Variants in GLIPR1L2 observed in about 807,000 individuals in gnomAD.
GLIPR1L2 encodes the protein GLIPR1 like 2, also known as GLIPR1-like protein 2.
GLIPR1L2 carries 21 observed loss-of-function variants against 28.4 expected under a neutral mutation model. The ratio of observed to expected loss-of-function variants is 0.74; its 90% CI spans 0.52 to 1.06. The LOEUF is 1.06. Ranked by LOEUF, GLIPR1L2 falls within the 50% of genes least tolerant of loss-of-function variation. The pLI is 0.00. For missense variants in GLIPR1L2, 476 were observed against 416.9 expected, an observed-to-expected ratio of 1.14 and a Z score of -1.23; for synonymous variants, 145 against 139.3, an observed-to-expected ratio of 1.04 and a Z score of -0.29.
chr12:75,425,084 G>C (rs2046020674), intron 4 of GLIPR1L2, among the ~76,000 whole-genome samples: 1 of 152,116 alleles, frequency 6.6e-6, no homozygotes, highest in Non-Finnish European at 1.5e-5. Context: ...AGACCTCATG[G>C]AATGAAGTAA....
At chr12:75,416,626 A>G (rs1258863086) in intron 3 of GLIPR1L2, among the ~76,000 whole-genome samples, 1 of 152,124 alleles carries the variant, frequency 6.6e-6, no homozygotes, top group Non-Finnish European at 1.5e-5. Context: ...TTGAGGAAGG[A>G]GAACTGACAG....
At chr12:75,400,108 C>T (rs778293550) in intron 1 of GLIPR1L2, among the ~76,000 whole-genome samples, 25 of 151,858 alleles carry the variant, frequency 1.6e-4, no homozygotes, top group African/African-American at 5.3e-4. Context: ...AGAATGAGAA[C>T]GTTTTTTATT....
In GLIPR1L2 at chr12:75,402,227, G is replaced by A. The variant is rs75167189; in HGVS notation, c.235-8207G>A. ...AAAGTAAATACAGAAAGAGAAAACC[G>A]TAACAGCAATGCTTTAGAAGACAGC... On this transcript the variant is annotated intron_variant, in intron 1 of 5. Coordinates refer to ENST00000550916, the MANE Select transcript of GLIPR1L2 (RefSeq NM_001270396.2). Among the ~76,000 whole-genome samples the A allele has an allele frequency of 9.1e-3, 1,379 of 152,250 alleles. 32 individuals are homozygous for A. In the East Asian group the frequency reaches 0.1, roughly 11 times the overall value.
chr12:75,419,136 T>G (rs1024939366), intron 3 of GLIPR1L2, among the ~76,000 whole-genome samples: 5 of 152,174 alleles, frequency 3.3e-5, no homozygotes, highest in Non-Finnish European at 7.4e-5. Flanking sequence ...GTTCTGCACA[T>G]GTACCCGAGA....
At chr12:75,428,980 G>T (rs1295674743) in intron 4 of GLIPR1L2, among the ~76,000 whole-genome samples, 2 of 152,202 alleles carry the variant, frequency 1.3e-5, no homozygotes, top group African/African-American at 2.4e-5. Flanking sequence ...TTTGCTGCAG[G>T]GGTGGAGCCC....
Position 75,430,943 on chromosome 12 carries a change from A to G in GLIPR1L2, c.817A>G (p.Ile273Val), listed in dbSNP as rs2046085895. 1.3e-6 allele frequency: 2 copies of G among 1,535,464 alleles called. No individual in the cohort carries two copies. Among genetic ancestry groups the G allele is most frequent in the Non-Finnish European group, 1.7e-6 (2 of 1,146,472 alleles). ...TATCCTGTGTGTCATAACTGTTTTG[A>G]TAGTACAGTCTCAGTTTCCAAATAT... The part of the protein sequence containing the change: ...CFILCVITVL[I>V]VQSQFPNILL... Residue 273 changes from isoleucine (I) to valine (V), a missense_variant, in exon 6 of 6, where the codon ATA becomes GTA. By Grantham distance (29) the Ile-to-Val change is conservative. Coordinates refer to ENST00000550916, the MANE Select transcript of GLIPR1L2 (RefSeq NM_001270396.2).
At chr12:75,427,220 T>C (rs1392901764) in intron 4 of GLIPR1L2, among the ~76,000 whole-genome samples, 2 of 130,702 alleles carry the variant, frequency 1.5e-5, no homozygotes, top group Non-Finnish European at 3.5e-5. Flanking sequence ...TGTATGTAAC[T>C]ATTTAATGAA....
intron 4 of GLIPR1L2, 117 bp from the exon 5 acceptor site, chr12:75,430,598 A>C: frequency 1.1e-6 from 1 of 922,374 alleles, no homozygotes; most frequent in Non-Finnish European, 1.6e-6. Flanking sequence ...GAGGGAGGAC[A>C]TCAAAGATAA....
chr12:75,410,734 T>A, intron 2 of GLIPR1L2, 55 bp downstream of exon 2: 1 of 1,300,940 alleles, frequency 7.7e-7, no homozygotes, highest in East Asian at 2.4e-5. Context: ...GATTTATGCC[T>A]GGTTTTATTA....
In GLIPR1L2 at chr12:75,431,081, G is replaced by A. The variant is rs1435934193; in HGVS notation, c.955G>A (p.Glu319Lys). 1 of 1,302,268 alleles carries A rather than the reference G, an allele frequency of 7.7e-7. No homozygotes were observed. Among genetic ancestry groups the A allele is most frequent in the Non-Finnish European group, 1.1e-6 (1 of 934,540 alleles). 80.7% of individuals were successfully genotyped at this position (1,302,268 alleles called of 1,614,324 possible). A position where few individuals can be genotyped will look rare whatever the true frequency, so the allele number is the denominator to read the frequency against. ...EKEEMEMEIM[E>K]MEEEKEEREE... ...AGAGGAAATGGAAATGGAAATAATG[G>A]AAATGGAGGAGGAAAAAGAAGAGAG... The change falls in exon 6 of 6, where the codon GAA (glutamate) becomes AAA (lysine). Residue 319 changes from glutamate (E) to lysine (K), a missense_variant. Coordinates refer to ENST00000550916, the MANE Select transcript of GLIPR1L2 (RefSeq NM_001270396.2).
chr12:75,418,860 G>GC (rs1412555636), intron 3 of GLIPR1L2, among the ~76,000 whole-genome samples: 1 of 151,848 alleles, frequency 6.6e-6, no homozygotes, highest in Non-Finnish European at 1.5e-5. Flanking sequence ...CATGTCCTTT[G>GC]CAGGGACATG....
In GLIPR1L2 at chr12:75,431,222, A is replaced by T; in HGVS notation, c.*61A>T. 3.5e-6 allele frequency: 2 copies of T among 573,072 alleles called. No homozygotes were observed. The highest frequency in any genetic ancestry group is 6.1e-6 in the Non-Finnish European group (2 of 327,106). The allele number at this position is 573,072 out of a possible 1,614,324, so 35.5% of individuals were successfully genotyped here. A position where few individuals can be genotyped will look rare whatever the true frequency, so the allele number is the denominator to read the frequency against. On this transcript the variant is annotated 3_prime_UTR_variant, in exon 6 of 6. Transcript: ENST00000550916. ...ATAAACCAAAAGTGTAATACAAAAAAAGACAGAAAAAAAAAAAAAGTAAAA... is the reference window on the plus strand; with the variant it reads ...ATAAACCAAAAGTGTAATACAAAAATAGACAGAAAAAAAAAAAAAGTAAAA...
intron 1 of GLIPR1L2, among the ~76,000 whole-genome samples, chr12:75,407,463 TAA>T (rs1168264767): frequency 1.3e-5 from 2 of 152,056 alleles, no homozygotes; most frequent in Non-Finnish European, 2.9e-5. Flanking sequence ...TGTGGAACTA[TAA>T]AACAAAATAA....
At chr12:75,409,551 T>G (rs1594012836) in intron 1 of GLIPR1L2, among the ~76,000 whole-genome samples, 1 of 127,424 alleles carries the variant, frequency 7.8e-6, no homozygotes, top group African/African-American at 2.7e-5. Flanking sequence ...AAAAGATTTT[T>G]TTTGGGTGTG....
intron 1 of GLIPR1L2, among the ~76,000 whole-genome samples, chr12:75,397,890 A>G (rs2045697093): frequency 6.6e-6 from 1 of 152,090 alleles, no homozygotes; most frequent in Non-Finnish European, 1.5e-5. Flanking sequence ...TTCTTCCTAT[A>G]TTGTTGGCAT....
chr12:75,422,367 A>G (rs1252970293), intron 3 of GLIPR1L2, among the ~76,000 whole-genome samples: 2 of 145,978 alleles, frequency 1.4e-5, no homozygotes, highest in African/African-American at 2.6e-5. Context: ...GCAGTGGCCC[A>G]TCTCAGCTTA....
intron 1 of GLIPR1L2, among the ~76,000 whole-genome samples, chr12:75,409,303 G>GT (rs2045836963): frequency 6.6e-6 from 1 of 151,884 alleles, no homozygotes; most frequent in African/African-American, 2.4e-5. Flanking sequence ...TGTAACATAT[G>GT]TATTTAGTAT....
chr12:75,421,879 C>T (rs1476290437), intron 3 of GLIPR1L2, among the ~76,000 whole-genome samples: 1 of 152,128 alleles, frequency 6.6e-6, no homozygotes, highest in Non-Finnish European at 1.5e-5. Flanking sequence ...ATTTTGTAAA[C>T]TCTACAGATA....
intron 3 of GLIPR1L2, among the ~76,000 whole-genome samples, chr12:75,415,010 G>A (rs573687417): frequency 3.9e-5 from 6 of 152,004 alleles, no homozygotes; most frequent in African/African-American, 1.4e-4. Context: ...GACAGATAGG[G>A]TAGTCATAGA....
Sources: allele counts gnomAD v4.1 joint callset (sites outside exome capture counted in the v4.1 genomes callset), GRCh38; gene constraint gnomAD v4.1.1; transcripts MANE v1.5; gene names NCBI Gene and HGNC (gene_info 2026-07-23, HGNC 2026-07-21).